DYSF: variants seen among roughly 807,000 people sequenced by gnomAD.
DYSF encodes the protein dysferlin.
Under a neutral mutation model 274.9 loss-of-function variants are expected in DYSF, and 212 were observed. The ratio of observed to expected loss-of-function variants is 0.77; its 90% confidence interval spans 0.69 to 0.86. The LOEUF (loss-of-function observed/expected upper bound fraction) is 0.86. DYSF is among the 40% of genes least tolerant of loss of function. DYSF has a pLI of 0.00. For synonymous variants in DYSF, 1,091 were observed against 1,078.7 expected, an observed-to-expected ratio of 1.01 and a Z score of -0.22; for missense variants, 2,666 against 2,783.2, an observed-to-expected ratio of 0.96 and a Z score of 0.95.
In DYSF at chr2:71,664,395, T is replaced by A; in HGVS notation, c.5131T>A (p.Ser1711Thr). Residue 1711 changes from serine to threonine, a missense_variant, in exon 46 of 56, where the codon TCC becomes ACC. Coordinates refer to ENST00000410020, the MANE Select transcript of DYSF (RefSeq NM_001130987.2). ...CGTCGACCTGGAGAACAGGCTGCTG[T>A]CCAAGTTTGGGGCTCGCTGTGGACT... ...TVVDLENRLL[S>T]KFGARCGLPQ... 1 of 1,614,208 alleles carries A rather than the reference T, an allele frequency of 6.2e-7. No homozygotes were observed. The highest frequency in any genetic ancestry group is 1.3e-5 in the African/African-American group (1 of 75,050).
chr2:71,574,483 G>GCCAGCGTTCCATCCA, intron 30 of DYSF, 112 bp downstream of exon 30: 1 of 1,333,570 alleles, frequency 7.5e-7, no homozygotes, highest in Non-Finnish European at 1.0e-6. Context: ...CTTTTGGATG[G>GCCAGCGTTCCATCCA]AACGCTGGCT....
At chr2:71,483,684 T>C (rs1361288873) in intron 3 of DYSF, among the ~76,000 whole-genome samples, 2 of 152,142 alleles carry the variant, frequency 1.3e-5, no homozygotes, top group African/African-American at 4.8e-5. Flanking sequence ...ATACAAGACC[T>C]TTTCCCATCA....
At chr2:71,466,977 G>T in intron 1 of DYSF, 44 bp downstream of exon 1, 2 of 1,536,810 alleles carry the variant, frequency 1.3e-6, no homozygotes, top group Non-Finnish European at 8.8e-7. Flanking sequence ...GGTGCTACCC[G>T]ACTCTCGGCG....
At position 71,526,220 on chromosome 2, in the gene DYSF, C is replaced by A. The variant is rs759896755; in HGVS notation, c.1150C>A (p.Leu384Met). 9.3e-6 allele frequency: 15 copies of A among 1,614,118 alleles called. No homozygotes were observed. The African/African-American group carries it at 1.1e-4, about 11-fold the overall frequency. ...CVLGPGDEAP[L>M]ERKDPSEDKE... is the part of the protein sequence containing the mutation. ...GAATCGTATTTGGTTTTCTTTGTAGCTGGAGAGAAAAGACCCCTCTGAAGA... is the reference window on the plus strand; with the variant it reads ...GAATCGTATTTGGTTTTCTTTGTAGATGGAGAGAAAAGACCCCTCTGAAGA... The change falls in exon 13 of 56, where the codon CTG becomes ATG. Residue 384 changes from leucine to methionine, a missense_variant and splice_region_variant. By Grantham distance (15) the Leu-to-Met change is conservative. Coordinates refer to ENST00000410020, the MANE Select transcript of DYSF (RefSeq NM_001130987.2).
At chr2:71,471,795 T>C (rs1006369118) in intron 1 of DYSF, among the ~76,000 whole-genome samples, 1 of 152,030 alleles carries the variant, frequency 6.6e-6, no homozygotes, top group Non-Finnish European at 1.5e-5. Context: ...TGAAACCCTG[T>C]CTCTACTGAA....
intron 7 of DYSF, 124 bp from the exon 8 acceptor site, chr2:71,515,499 T>A: frequency 7.0e-7 from 1 of 1,420,168 alleles, no homozygotes; most frequent in Non-Finnish European, 9.9e-7. Flanking sequence ...TAATTCCTTT[T>A]TAATACTTTC....
intron 22 of DYSF, 73 bp from the exon 23 acceptor site, chr2:71,561,679 G>T: frequency 1.9e-6 from 3 of 1,585,260 alleles, no homozygotes; most frequent in Non-Finnish European, 2.6e-6. Context: ...GTGAGAACCT[G>T]GCACATGTGC....
At chr2:71,643,523 G>A (rs1254645816) in intron 41 of DYSF, among the ~76,000 whole-genome samples, 1 of 152,140 alleles carries the variant, frequency 6.6e-6, no homozygotes, top group Non-Finnish European at 1.5e-5. Context: ...TTTTGGGTCT[G>A]AATTTTCCTG....
At chr2:71,481,783 G>T in intron 2 of DYSF, 96 bp from the exon 3 acceptor site, 1 of 894,330 alleles carries the variant, frequency 1.1e-6, no homozygotes, top group Non-Finnish European at 1.8e-6. Context: ...ATTCATGAAT[G>T]CCTACTCAGT....
chr2:71,471,463 A>G (rs961001910), intron 1 of DYSF, among the ~76,000 whole-genome samples: 6 of 152,326 alleles, frequency 3.9e-5, no homozygotes, highest in African/African-American at 1.4e-4. Context: ...TCCACAGTGC[A>G]AGGGGAGGTC....
At chr2:71,663,050 C>CATAT (rs1553411918) in intron 45 of DYSF, among the ~76,000 whole-genome samples, 1 of 27,486 alleles carries the variant, frequency 3.6e-5, no homozygotes, top group Non-Finnish European at 1.2e-4. Context: ...TGCGCGCACG[C>CATAT]GCGTGGTGTA....
At chr2:71,465,049 G>A (rs1217563155), upstream of DYSF, among the ~76,000 whole-genome samples, 2 of 152,158 alleles carry the variant, frequency 1.3e-5, no homozygotes, top group Non-Finnish European at 2.9e-5. Flanking sequence ...CCTTCAAAGG[G>A]CATTGTTGTG....
intron 36 of DYSF, among the ~76,000 whole-genome samples, chr2:71,607,076 T>C (rs1558601961): frequency 6.6e-6 from 1 of 152,202 alleles, no homozygotes; most frequent in Non-Finnish European, 1.5e-5. Context: ...CACGTGGAGA[T>C]AGCATGGGTG....
intron 21 of DYSF, among the ~76,000 whole-genome samples, chr2:71,555,712 C>A (rs1371815888): frequency 1.3e-5 from 2 of 152,104 alleles, no homozygotes. Flanking sequence ...CTGCAGACAC[C>A]CCCTGAGCTC....
intron 4 of DYSF, among the ~76,000 whole-genome samples, chr2:71,504,336 G>T (rs1490734887): frequency 1.3e-5 from 2 of 152,140 alleles, no homozygotes; most frequent in African/African-American, 4.8e-5. Flanking sequence ...GTCTTAGGCT[G>T]GGGATGGCTG....
intron 16 of DYSF, among the ~76,000 whole-genome samples, chr2:71,535,553 G>T (rs903459802): frequency 6.6e-6 from 1 of 152,072 alleles, no homozygotes; most frequent in African/African-American, 2.4e-5. Context: ...AGAAGGAGCT[G>T]GGAAGGCTTC....
At chr2:71,608,921 TC>T (rs2093697413) in intron 36 of DYSF, among the ~76,000 whole-genome samples, 1 of 151,678 alleles carries the variant, frequency 6.6e-6, no homozygotes, top group South Asian at 2.1e-4. Flanking sequence ...CTGGGGCTGT[TC>T]CCTCCCTGAT....
rs1306479310 is a variant in DYSF, at chr2:71,674,820, C to CTTGT, written c.5884+525_5884+528dup. On this transcript the variant is annotated intron_variant, in intron 52 of 55. Coordinates refer to ENST00000410020, the MANE Select transcript of DYSF (RefSeq NM_001130987.2). ...TTGAATGGAAGGTGGTGATGGTGGCCTTGTAGGGTTAGGATATGGGGACAA... is the reference window on the plus strand; with the variant it reads ...TTGAATGGAAGGTGGTGATGGTGGCCTTGTTTGTAGGGTTAGGATATGGGGACAA... Among the ~76,000 whole-genome samples, 5 of 152,118 alleles carry CTTGT rather than the reference C, an allele frequency of 3.3e-5. No individual in the cohort carries two copies. The East Asian group carries it at 9.7e-4, about 30-fold the overall frequency.
chr2:71,550,063 G>A (rs189394052), intron 17 of DYSF, among the ~76,000 whole-genome samples: 62 of 152,328 alleles, frequency 4.1e-4, no homozygotes, highest in African/African-American at 1.5e-3. Context: ...TAGCTCAAAC[G>A]CTTCTTTGCT....
Sources: gnomAD v4.1 joint callset for allele counts (sites outside exome capture counted in the v4.1 genomes callset) on GRCh38, gnomAD v4.1.1 for gene constraint, MANE v1.5 for transcripts, NCBI Gene and HGNC (gene_info 2026-07-23, HGNC 2026-07-21) for gene names.